HS6ST3: variants seen among roughly 807,000 people sequenced by gnomAD.
The protein encoded by HS6ST3 is heparan sulfate 6-O-sulfotransferase 3.
A neutral mutation model predicts 36.7 loss-of-function variants in HS6ST3; 12 were observed. The observed-to-expected ratio is 0.33, with a 90% CI of 0.21 to 0.53. The LOEUF is 0.53. HS6ST3 is among the 20% of genes least tolerant of loss of function. The pLI is 0.95. For synonymous variants in HS6ST3, 240 were observed against 257.5 expected, an observed-to-expected ratio of 0.93 and a Z score of 0.65; for missense variants, 584 against 640.9, an observed-to-expected ratio of 0.91 and a Z score of 0.96.
At chr13:96,299,975 C>T (rs1022529791) in intron 1 of HS6ST3, among the ~76,000 whole-genome samples, 2 of 146,454 alleles carry the variant, frequency 1.4e-5, no homozygotes, top group South Asian at 4.3e-4. Flanking sequence ...ACAATCATGG[C>T]GGAAGAGCAA....
intron 1 of HS6ST3, among the ~76,000 whole-genome samples, chr13:96,331,517 T>C (rs2055067395): frequency 6.6e-6 from 1 of 152,166 alleles, no homozygotes; most frequent in Non-Finnish European, 1.5e-5. Context: ...AGGGACCCAC[T>C]TGAGGAGGCA....
chr13:96,447,645 G>A (rs1284979565), intron 1 of HS6ST3, among the ~76,000 whole-genome samples: 1 of 151,842 alleles, frequency 6.6e-6, no homozygotes, highest in East Asian at 1.9e-4. Context: ...ACATCATGGT[G>A]CCCTGCATTT....
chr13:96,714,471 C>G (rs1875642608), intron 1 of HS6ST3, among the ~76,000 whole-genome samples: 2 of 152,030 alleles, frequency 1.3e-5, no homozygotes, highest in South Asian at 4.1e-4. Context: ...CTCAAGTTTC[C>G]AAAATTAAAG....
At chr13:96,162,698 CTG>C (rs2054141630) in intron 1 of HS6ST3, among the ~76,000 whole-genome samples, 1 of 152,136 alleles carries the variant, frequency 6.6e-6, no homozygotes, top group Non-Finnish European at 1.5e-5. Context: ...TCAAAGTCAA[CTG>C]TGATACAATG....
At chr13:96,122,078 A>T (rs962553469) in intron 1 of HS6ST3, among the ~76,000 whole-genome samples, 2 of 150,980 alleles carry the variant, frequency 1.3e-5, no homozygotes, top group African/African-American at 2.4e-5. Flanking sequence ...ACATGCTAGT[A>T]CTTCCTTTAA....
intron 1 of HS6ST3, among the ~76,000 whole-genome samples, chr13:96,669,719 G>C (rs2056676854): frequency 6.6e-6 from 1 of 152,056 alleles, no homozygotes; most frequent in Non-Finnish European, 1.5e-5. Flanking sequence ...CTGTAGAACA[G>C]ACAGTGTTTA....
chr13:96,772,645 C>T (rs1877290862), intron 1 of HS6ST3, among the ~76,000 whole-genome samples: 1 of 152,162 alleles, frequency 6.6e-6, no homozygotes, highest in Non-Finnish European at 1.5e-5. Context: ...TGAACAATGA[C>T]TAAGGGATGT....
intron 1 of HS6ST3, among the ~76,000 whole-genome samples, chr13:96,311,134 AC>A (rs1234863239): frequency 6.6e-6 from 1 of 152,204 alleles, no homozygotes; most frequent in Non-Finnish European, 1.5e-5. Flanking sequence ...ATAAAATACC[AC>A]CATGCTATGT....
intron 1 of HS6ST3, among the ~76,000 whole-genome samples, chr13:96,636,689 A>C (rs1229348734): frequency 6.6e-6 from 1 of 152,194 alleles, no homozygotes; most frequent in Non-Finnish European, 1.5e-5. Context: ...CTAGAAACTC[A>C]GAATATGGAA....
chr13:96,813,071 G>T (rs1054386876), intron 1 of HS6ST3, among the ~76,000 whole-genome samples: 4 of 152,212 alleles, frequency 2.6e-5, no homozygotes. Flanking sequence ...TCATCTGGCA[G>T]AGGAACTGTA....
At chr13:96,331,187 G>C (rs1022636546) in intron 1 of HS6ST3, among the ~76,000 whole-genome samples, 19 of 152,216 alleles carry the variant, frequency 1.2e-4, no homozygotes, top group African/African-American at 4.3e-4. Flanking sequence ...GCTCGTCAAA[G>C]TCATTCTCCC....
intron 1 of HS6ST3, among the ~76,000 whole-genome samples, chr13:96,687,515 G>A (rs1196290442): frequency 6.6e-6 from 1 of 151,940 alleles, no homozygotes; most frequent in Non-Finnish European, 1.5e-5. Flanking sequence ...TTTTAGATTT[G>A]TAGGAAATGA....
chr13:96,669,238 G>A (rs765296896), intron 1 of HS6ST3, among the ~76,000 whole-genome samples: 2 of 152,102 alleles, frequency 1.3e-5, no homozygotes, highest in Non-Finnish European at 2.9e-5. Context: ...AGGTCCAGAT[G>A]GTGACTGGTT....
At chr13:96,104,586 A>G (rs943988961) in intron 1 of HS6ST3, among the ~76,000 whole-genome samples, 13 of 152,202 alleles carry the variant, frequency 8.5e-5, no homozygotes, top group Non-Finnish European at 2.9e-5. Context: ...TCTAGAGCCC[A>G]CACCCCTAAC....
At chr13:96,560,429 G>T (rs1403811454) in intron 1 of HS6ST3, among the ~76,000 whole-genome samples, 1 of 152,058 alleles carries the variant, frequency 6.6e-6, no homozygotes, top group Non-Finnish European at 1.5e-5. Flanking sequence ...ACTGAACAGG[G>T]AAAAACTGGA....
At chr13:96,228,977 C>G (rs548319351) in intron 1 of HS6ST3, among the ~76,000 whole-genome samples, 1 of 152,058 alleles carries the variant, frequency 6.6e-6, no homozygotes, top group South Asian at 2.1e-4. Flanking sequence ...AAGCAGAGGT[C>G]CTAAGGTACA....
At chr13:96,689,973 G>T (rs569423772) in intron 1 of HS6ST3, among the ~76,000 whole-genome samples, 11 of 152,170 alleles carry the variant, frequency 7.2e-5, no homozygotes, top group African/African-American at 2.2e-4. Context: ...AAGGCACTAC[G>T]TGTCCTTTAA....
intron 1 of HS6ST3, among the ~76,000 whole-genome samples, chr13:96,550,065 T>A (rs1302892123): frequency 6.6e-6 from 1 of 152,220 alleles, no homozygotes; most frequent in African/African-American, 2.4e-5. Context: ...ATGCTTCTCA[T>A]AGTAGCGATT....
intron 1 of HS6ST3, among the ~76,000 whole-genome samples, chr13:96,740,944 C>T (rs1046375451): frequency 6.6e-6 from 1 of 152,142 alleles, no homozygotes; most frequent in African/African-American, 2.4e-5. Flanking sequence ...GATAGCAGCA[C>T]GTAACTGTGG....
Sources: allele counts gnomAD v4.1 joint callset (sites outside exome capture counted in the v4.1 genomes callset), GRCh38; gene constraint gnomAD v4.1.1; transcripts MANE v1.5; gene names NCBI Gene and HGNC (gene_info 2026-07-23, HGNC 2026-07-21).